MAD1L1: variants seen among roughly 807,000 people sequenced by gnomAD.
The protein encoded by MAD1L1 is mitotic arrest deficient 1 like 1.
MAD1L1 carries 95 observed loss-of-function variants against 96.9 expected under a neutral mutation model. The ratio of observed to expected loss-of-function variants is 0.98; its 90% CI spans 0.83 to 1.16. The LOEUF is 1.16. Among genes scored for constraint, MAD1L1 ranks in the 50% most tolerant of loss-of-function variants. The probability of loss-of-function intolerance (pLI) is 0.00; values close to 1 mark genes in which losing one functional copy is unlikely to be tolerated. For synonymous variants in MAD1L1, 473 were observed against 396.6 expected (o/e 1.19, Z -2.29); for missense variants, 1,007 against 954.4 (o/e 1.06, Z -0.73).
intron 5 of MAD1L1, among the ~76,000 whole-genome samples, chr7:2,220,625 C>T (rs1190983428): frequency 6.6e-6 from 1 of 152,202 alleles, no homozygotes; most frequent in Non-Finnish European, 1.5e-5. Flanking sequence ...AACAAGGAGG[C>T]CTCAGCACTC....
intron 5 of MAD1L1, among the ~76,000 whole-genome samples, chr7:2,222,044 T>A (rs948218170): frequency 6.6e-6 from 1 of 151,320 alleles, no homozygotes; most frequent in Non-Finnish European, 1.5e-5. Flanking sequence ...TCCATTTAAA[T>A]TCATAATTAC....
rs1055354155 is a variant in MAD1L1 at position 1,815,876 on chromosome 7, G to T, written c.*194C>A. On this transcript the variant is annotated 3_prime_UTR_variant, in exon 19 of 19. Transcript: ENST00000265854. ...CCACACACCAGGCTCCGGGACGCATGGGGTCTGCACGTGGAGAGGGTGCTG... is the reference window on the plus strand; with the variant it reads ...CCACACACCAGGCTCCGGGACGCATTGGGTCTGCACGTGGAGAGGGTGCTG... The T allele has an allele frequency of 8.3e-6, 5 of 602,140 alleles. No homozygotes were observed. Among genetic ancestry groups the T allele is most frequent in the African/African-American group, 3.8e-5 (2 of 53,256 alleles). The allele number at this position is 602,140 out of a possible 1,614,324, so 37.3% of individuals were successfully genotyped here. A position where few individuals can be genotyped will look rare whatever the true frequency, so the allele number is the denominator to read the frequency against.
At position 2,025,928 on chromosome 7, in the gene MAD1L1, T is replaced by TA. The variant is rs148902546; in HGVS notation, c.1219-11287dup. 1.6e-3 allele frequency among the ~76,000 whole-genome samples: 240 copies of TA among 152,234 alleles called. 2 individuals are homozygous for TA. Among genetic ancestry groups the TA allele is most frequent in the African/African-American group, 5.5e-3 (228 of 41,568 alleles). The stretch of plus-strand genomic sequence containing the variant: ...TTATTCTACGATTAAGATGTTTTCA[T>TA]AAAAAACGAATAAAAACTAAAGGCA... On this transcript the variant is annotated intron_variant, in intron 12 of 18. Coordinates refer to ENST00000265854, the MANE Select transcript of MAD1L1 (RefSeq NM_001013836.2).
intron 18 of MAD1L1, among the ~76,000 whole-genome samples, chr7:1,870,274 T>C (rs1211817254): frequency 6.7e-6 from 1 of 149,698 alleles, no homozygotes; most frequent in East Asian, 2.0e-4. Context: ...AACATATGCC[T>C]GCCACGCTGA....
chr7:2,108,892 C>T (rs1434941230), intron 11 of MAD1L1, among the ~76,000 whole-genome samples: 1 of 152,252 alleles, frequency 6.6e-6, no homozygotes, highest in African/African-American at 2.4e-5. Flanking sequence ...CCCTTCTTCA[C>T]TGGCACATCT....
chr7:1,988,168 G>A (rs1781246180), intron 14 of MAD1L1, among the ~76,000 whole-genome samples: 1 of 152,244 alleles, frequency 6.6e-6, no homozygotes, highest in Admixed American at 6.5e-5. Flanking sequence ...TCCAGGAAGA[G>A]GGCGCTGGGG....
intron 11 of MAD1L1, among the ~76,000 whole-genome samples, chr7:2,093,608 T>G (rs1485395546): frequency 6.6e-6 from 1 of 152,204 alleles, no homozygotes; most frequent in Non-Finnish European, 1.5e-5. Context: ...TGACATCCCC[T>G]TCGCTCTCCT....
intron 10 of MAD1L1, among the ~76,000 whole-genome samples, chr7:2,184,365 G>A (rs755823981): frequency 4.7e-4 from 72 of 152,106 alleles, no homozygotes; most frequent in Non-Finnish European, 7.3e-4. Context: ...CCACACAACC[G>A]CTGGAATAAA....
At chr7:2,148,651 A>G (rs541227240) in intron 11 of MAD1L1, 1 of 154,236 alleles carries the variant, frequency 6.5e-6, no homozygotes, top group South Asian at 2.0e-4. Flanking sequence ...GATAAGAAGA[A>G]ATACATATCT....
intron 11 of MAD1L1, among the ~76,000 whole-genome samples, chr7:2,070,247 T>G (rs1785060177): frequency 6.6e-6 from 1 of 152,146 alleles, no homozygotes; most frequent in African/African-American, 2.4e-5. Flanking sequence ...AACCCACCCA[T>G]GATGCAACGG....
chr7:2,050,968 T>C (rs996192545), intron 12 of MAD1L1, among the ~76,000 whole-genome samples: 4 of 152,242 alleles, frequency 2.6e-5, no homozygotes, highest in Non-Finnish European at 4.4e-5. Flanking sequence ...AGCATGACCA[T>C]CAATTTTCAC....
At chr7:1,854,354 G>A in intron 18 of MAD1L1, 1 of 471,902 alleles carries the variant, frequency 2.1e-6, no homozygotes, top group Non-Finnish European at 4.2e-6. Context: ...CCGCTGTGGG[G>A]GAACCTACCC....
chr7:2,062,386 C>A (rs1468336524), intron 12 of MAD1L1, among the ~76,000 whole-genome samples: 1 of 151,960 alleles, frequency 6.6e-6, no homozygotes, highest in African/African-American at 2.4e-5. Context: ...ACCAACCTGG[C>A]CAACATGGTG....
chr7:2,162,396 G>C (rs1422797041), intron 10 of MAD1L1, among the ~76,000 whole-genome samples: 15 of 150,818 alleles, frequency 9.9e-5, no homozygotes, highest in African/African-American at 2.0e-4. Context: ...GCAGCATGCT[G>C]GTTAAGAGTC....
At chr7:1,825,750 C>A (rs1264974715) in intron 18 of MAD1L1, among the ~76,000 whole-genome samples, 2 of 152,216 alleles carry the variant, frequency 1.3e-5, no homozygotes. Flanking sequence ...GGCCTTGGAC[C>A]ATGGCATCAG....
intron 12 of MAD1L1, among the ~76,000 whole-genome samples, chr7:2,033,829 C>T (rs1783341707): frequency 6.6e-6 from 1 of 152,222 alleles, no homozygotes; most frequent in South Asian, 2.1e-4. Context: ...AGTAATCAGA[C>T]TGCGGTGGCT....
At chr7:1,827,467 G>GCC (rs1562431600) in intron 18 of MAD1L1, among the ~76,000 whole-genome samples, 125 of 51,252 alleles carry the variant, frequency 2.4e-3, no homozygotes, top group South Asian at 3.6e-3. Context: ...TGAGCCCGTC[G>GCC]CGGGTGTGGG....
chr7:2,018,300 G>A (rs1331368814), intron 12 of MAD1L1, among the ~76,000 whole-genome samples: 2 of 152,230 alleles, frequency 1.3e-5, no homozygotes, highest in Admixed American at 6.5e-5. Context: ...GCCTCACTGC[G>A]AAGTTCAAAT....
chr7:2,012,202 C>A (rs538756836), intron 13 of MAD1L1, among the ~76,000 whole-genome samples: 1 of 152,320 alleles, frequency 6.6e-6, no homozygotes, highest in Non-Finnish European at 1.5e-5. Context: ...AGCATCTGGT[C>A]AATGAGTCCT....
Sources: allele counts gnomAD v4.1 joint callset (sites outside exome capture counted in the v4.1 genomes callset), GRCh38; gene constraint gnomAD v4.1.1; transcripts MANE v1.5; gene names NCBI Gene and HGNC (gene_info 2026-07-23, HGNC 2026-07-21).